The following IFT74 variants were observed in gnomAD, a reference collection of about 807,000 sequenced individuals.
IFT74 encodes intraflagellar transport 74.
IFT74 carries 92 observed loss-of-function variants against 96.7 expected under a neutral mutation model. That is an observed-to-expected ratio of 0.95 (90% CI 0.80 to 1.13). The LOEUF is 1.13. Ranked by LOEUF, IFT74 falls within the 50% of genes most tolerant of loss-of-function variation. The pLI is 0.00. For synonymous variants in IFT74, 223 were observed against 213.2 expected (o/e 1.05, Z -0.40); for missense variants, 811 against 698.2 (o/e 1.16, Z -1.82).
At chr9:26,971,570 G>C (rs1254625015) in intron 2 of IFT74, among the ~76,000 whole-genome samples, 2 of 152,034 alleles carry the variant, frequency 1.3e-5, no homozygotes, top group Non-Finnish European at 2.9e-5. Flanking sequence ...CTGTGGTAGG[G>C]GAAGGAAGGC....
chr9:27,014,314 C>T (rs151099723), intron 10 of IFT74, among the ~76,000 whole-genome samples: 19 of 152,300 alleles, frequency 1.2e-4, no homozygotes, highest in Non-Finnish European at 2.5e-4. Flanking sequence ...TGGAAATACG[C>T]TTAAAGAAAG....
At chr9:26,954,019 A>C (rs1348540092), upstream of IFT74, among the ~76,000 whole-genome samples, 1 of 152,150 alleles carries the variant, frequency 6.6e-6, no homozygotes. Flanking sequence ...TTCTCCCTTT[A>C]AAACATCCAA....
At position 27,049,027 on chromosome 9, in the gene IFT74, G is replaced by T. The variant is rs144444761; in HGVS notation, c.1333+753G>T. Among the ~76,000 whole-genome samples the T allele has an allele frequency of 3.9e-3, 600 of 152,162 alleles. 2 individuals are homozygous for T. The highest frequency in any genetic ancestry group is 0.014 in the African/African-American group (567 of 41,500). Reference sequence around the variant, plus strand: ...TTGCAGTAATTAGTATGTTCTCTGTGAGTTCACGCAAGATCTGGTTGTTTA... The same window carrying T: ...TTGCAGTAATTAGTATGTTCTCTGTTAGTTCACGCAAGATCTGGTTGTTTA... On this transcript the variant is annotated intron_variant, in intron 16 of 19. Transcript: ENST00000380062.
At chr9:27,027,289 A>G (rs556484617) in intron 12 of IFT74, among the ~76,000 whole-genome samples, 1 of 152,276 alleles carries the variant, frequency 6.6e-6, no homozygotes, top group African/African-American at 2.4e-5. Context: ...TGAACAGACC[A>G]TTAACGAGCA....
At chr9:26,964,430 T>G (rs1826514437) in intron 2 of IFT74, among the ~76,000 whole-genome samples, 2 of 151,542 alleles carry the variant, frequency 1.3e-5, no homozygotes. Flanking sequence ...TGGCTTAGTA[T>G]TGACTTGGCG....
intron 4 of IFT74, 72 bp from the exon 5 acceptor site, chr9:26,984,185 A>G: frequency 1.7e-6 from 2 of 1,170,440 alleles, no homozygotes; most frequent in Non-Finnish European, 2.4e-6. Flanking sequence ...ATTAATGGAA[A>G]GTTTAAATTT....
intron 8 of IFT74, chr9:26,993,393 T>C (rs1827975784): frequency 6.6e-6 from 1 of 152,460 alleles, no homozygotes; most frequent in South Asian, 2.1e-4. Flanking sequence ...ATAATTGATA[T>C]ATAAAGAAAC....
chr9:27,030,514 C>G (rs917293326), intron 13 of IFT74, among the ~76,000 whole-genome samples: 12 of 144,974 alleles, frequency 8.3e-5, no homozygotes, highest in Non-Finnish European at 1.5e-4. Flanking sequence ...CACCACTGCA[C>G]TCCAGCCTGG....
intron 13 of IFT74, among the ~76,000 whole-genome samples, chr9:27,031,271 G>T (rs1830109114): frequency 6.6e-6 from 1 of 152,092 alleles, no homozygotes; most frequent in African/African-American, 2.4e-5. Flanking sequence ...CAGGTCAGGA[G>T]ATCGAGACCA....
chr9:27,030,715 T>C (rs1830081320), intron 13 of IFT74, among the ~76,000 whole-genome samples: 1 of 152,216 alleles, frequency 6.6e-6, no homozygotes, highest in African/African-American at 2.4e-5. Flanking sequence ...TATTGGCAGA[T>C]GTCATGCTAC....
At chr9:27,060,293 T>A (rs1820355827) in intron 18 of IFT74, among the ~76,000 whole-genome samples, 1 of 152,112 alleles carries the variant, frequency 6.6e-6, no homozygotes, top group Non-Finnish European at 1.5e-5. Flanking sequence ...CTTTTAAAAG[T>A]TTTTTTAGGG....
intron 7 of IFT74, 44 bp downstream of exon 7, chr9:26,988,772 C>G: frequency 7.0e-7 from 1 of 1,423,818 alleles, no homozygotes; most frequent in Non-Finnish European, 9.5e-7. Context: ...TAAGTCATAT[C>G]CTACAAAACA....
At chr9:27,020,307 G>C (rs941717999) in intron 12 of IFT74, among the ~76,000 whole-genome samples, 3 of 152,026 alleles carry the variant, frequency 2.0e-5, no homozygotes, top group South Asian at 2.1e-4. Context: ...CTGAATTGCA[G>C]CCCGTGTCAA....
intron 9 of IFT74, among the ~76,000 whole-genome samples, chr9:27,010,360 G>A (rs1401085108): frequency 1.3e-5 from 2 of 151,668 alleles, no homozygotes; most frequent in African/African-American, 4.8e-5. Flanking sequence ...GATAACTATA[G>A]CCACCCTAGT....
chr9:26,947,288 C>CA, intron 1 of IFT74: 1 of 519,296 alleles, frequency 1.9e-6, no homozygotes, highest in East Asian at 3.5e-5. Context: ...CTCCATGACG[C>CA]AGAGTGTGTG....
At chr9:27,031,477 A>C (rs1038373588) in intron 13 of IFT74, among the ~76,000 whole-genome samples, 1 of 151,914 alleles carries the variant, frequency 6.6e-6, no homozygotes, top group Non-Finnish European at 1.5e-5. Flanking sequence ...AAAAAAAAAA[A>C]AGAAATTCTT....
chr9:27,014,454 A>C (rs1490735342), intron 10 of IFT74, among the ~76,000 whole-genome samples: 1 of 152,188 alleles, frequency 6.6e-6, no homozygotes, highest in Non-Finnish European at 1.5e-5. Context: ...ATCATAAGCT[A>C]TAACCTTAGA....
At chr9:27,006,892 A>AGT (rs1828816301) in intron 8 of IFT74, among the ~76,000 whole-genome samples, 1 of 119,348 alleles carries the variant, frequency 8.4e-6, no homozygotes, top group Admixed American at 1.2e-4. Flanking sequence ...GCTGGAGTGT[A>AGT]GTGGCGCAGT....
intron 2 of IFT74, among the ~76,000 whole-genome samples, chr9:26,970,248 G>T (rs1313881208): frequency 1.3e-5 from 2 of 152,124 alleles, no homozygotes; most frequent in African/African-American, 4.8e-5. Context: ...AGTAGTGCTT[G>T]TAGTAAAACA....
Sources: gnomAD v4.1 joint callset for allele counts (sites outside exome capture counted in the v4.1 genomes callset) on GRCh38, gnomAD v4.1.1 for gene constraint, MANE v1.5 for transcripts, NCBI Gene and HGNC (gene_info 2026-07-23, HGNC 2026-07-21) for gene names.